Variants in ACTR3C observed in about 807,000 individuals in gnomAD.
The protein encoded by ACTR3C is actin related protein 3C.
In ACTR3C, 18 loss-of-function variants were observed where a neutral mutation model predicts 26.3. The observed-to-expected ratio is 0.68, with a 90% CI of 0.47 to 1.01. The LOEUF (loss-of-function observed/expected upper bound fraction) is 1.01. ACTR3C is among the 50% of genes least tolerant of loss of function. ACTR3C has a pLI of 0.00. For missense variants in ACTR3C, 184 were observed against 250.7 expected, an observed-to-expected ratio of 0.73 and a Z score of 1.80; for synonymous variants, 55 against 94.5, an observed-to-expected ratio of 0.58 and a Z score of 2.42.
At chr7:150,046,047 T>A in the ACTR3C span, among the ~76,000 whole-genome samples, 1 of 152,178 alleles carries the variant, frequency 6.6e-6, no homozygotes, top group Non-Finnish European at 1.5e-5. Context: ...TCTATTTCCC[T>A]CAGGGCTTGG....
chr7:149,917,392 C>T, the ACTR3C span, among the ~76,000 whole-genome samples: 1 of 152,036 alleles, frequency 6.6e-6, no homozygotes, highest in African/African-American at 2.4e-5. Flanking sequence ...ACATTTTAAA[C>T]AGTTCTTGCA....
At chr7:150,278,642 T>C (rs1375823839) in intron 6 of ACTR3C, among the ~76,000 whole-genome samples, 1 of 152,244 alleles carries the variant, frequency 6.6e-6, no homozygotes, top group Non-Finnish European at 1.5e-5. Context: ...CGGCAACAGG[T>C]GTCTTAATGT....
chr7:149,991,475 C>T, the ACTR3C span, among the ~76,000 whole-genome samples: 1 of 152,236 alleles, frequency 6.6e-6, no homozygotes, highest in Non-Finnish European at 1.5e-5. Flanking sequence ...GAATCAGACA[C>T]AGGCTCAGCA....
the ACTR3C span, among the ~76,000 whole-genome samples, chr7:150,070,819 G>C: frequency 3.4e-5 from 5 of 148,432 alleles, 1 homozygote; most frequent in African/African-American, 1.3e-4. Context: ...TTTTGAGATG[G>C]AGTTTCGCTC....
intron 6 of ACTR3C, among the ~76,000 whole-genome samples, chr7:150,282,311 A>G (rs968098082): frequency 6.6e-6 from 1 of 151,950 alleles, no homozygotes; most frequent in Non-Finnish European, 1.5e-5. Context: ...CCAGACGTGA[A>G]CCACGTGCAA....
chr7:149,939,515 AC>A, the ACTR3C span, among the ~76,000 whole-genome samples: 1 of 152,220 alleles, frequency 6.6e-6, no homozygotes, highest in African/African-American at 2.4e-5. Context: ...GCACAAGACA[AC>A]TAGAGAATGA....
At chr7:149,933,442 T>C in the ACTR3C span, among the ~76,000 whole-genome samples, 1 of 152,158 alleles carries the variant, frequency 6.6e-6, no homozygotes, top group Non-Finnish European at 1.5e-5. Context: ...AAAAATATTT[T>C]TCAGAACAGA....
the ACTR3C span, among the ~76,000 whole-genome samples, chr7:150,039,400 A>T: frequency 7.8e-5 from 5 of 63,888 alleles, no homozygotes; most frequent in African/African-American, 2.1e-4. Context: ...CCGGGGGGGA[A>T]GAGGGACTGG....
At chr7:149,888,314 A>G in the ACTR3C span, among the ~76,000 whole-genome samples, 3 of 152,358 alleles carry the variant, frequency 2.0e-5, no homozygotes, top group African/African-American at 4.8e-5. Flanking sequence ...TCTAGGATAT[A>G]TATCTAGGAG....
intron 6 of ACTR3C, among the ~76,000 whole-genome samples, chr7:150,264,332 A>G (rs543978064): frequency 6.6e-6 from 1 of 152,376 alleles, no homozygotes; most frequent in Non-Finnish European, 1.5e-5. Flanking sequence ...GGCCACAGAC[A>G]GTGAACTTTA....
chr7:149,966,915 G>T, the ACTR3C span, among the ~76,000 whole-genome samples: 2 of 151,506 alleles, frequency 1.3e-5, no homozygotes, highest in Non-Finnish European at 2.9e-5. Context: ...CGACTGGAGT[G>T]CAATGGCGTG....
the ACTR3C span, among the ~76,000 whole-genome samples, chr7:150,188,238 T>G: frequency 2.6e-5 from 4 of 152,338 alleles, no homozygotes; most frequent in East Asian, 7.7e-4. Flanking sequence ...TTGTGGCTTT[T>G]TTCACTTAGC....
In ACTR3C at chr7:150,274,561, C is replaced by T. The variant is rs1331483511; in HGVS notation, c.564+10192G>A. On this transcript the variant is annotated intron_variant, in intron 6 of 7. Coordinates refer to ENST00000683684, the MANE Select transcript of ACTR3C (RefSeq NM_001164458.2). This position sits in a 1 kb window ranked among gnomAD's most constrained non-coding sequence, Gnocchi z 4.1. ...AAGTTATGCCTGTAGTAATATCTAT[C>T]ACATATCAAGTACTACACTTCAGCC... Among the ~76,000 whole-genome samples the T allele has an allele frequency of 6.6e-6, 1 of 152,182 alleles. No individual in the cohort carries two copies. The highest frequency in any genetic ancestry group is 1.5e-5 in the Non-Finnish European group (1 of 68,040).
At chr7:149,932,855 AGC>A in the ACTR3C span, among the ~76,000 whole-genome samples, 1 of 151,018 alleles carries the variant, frequency 6.6e-6, no homozygotes, top group Non-Finnish European at 1.5e-5. Flanking sequence ...CCTGAACCTG[AGC>A]AGAGGCCAGA....
chr7:149,951,573 GC>G, the ACTR3C span, among the ~76,000 whole-genome samples: 2 of 151,694 alleles, frequency 1.3e-5, no homozygotes, highest in Non-Finnish European at 1.5e-5. Flanking sequence ...TTTACATGTG[GC>G]CCCCAGGCAG....
the ACTR3C span, among the ~76,000 whole-genome samples, chr7:149,991,358 T>C: frequency 1.8e-4 from 28 of 151,854 alleles, no homozygotes; most frequent in South Asian, 1.7e-3. Context: ...CTGACCTTTT[T>C]TAAAACTGTG....
intron 1 of ACTR3C, among the ~76,000 whole-genome samples, chr7:150,309,431 C>A (rs988349811): frequency 6.6e-6 from 1 of 152,210 alleles, no homozygotes; most frequent in South Asian, 2.1e-4. Flanking sequence ...AACCCCACAA[C>A]AGGAATTAAT....
intron 6 of ACTR3C, among the ~76,000 whole-genome samples, chr7:150,259,285 GAAAGAA>G (rs1204816937): frequency 6.9e-6 from 1 of 145,822 alleles, no homozygotes; most frequent in African/African-American, 2.6e-5. Flanking sequence ...AAGAAAGAAA[GAAAGAA>G]AAAGAAAGAA....
At chr7:150,037,011 G>A in the ACTR3C span, among the ~76,000 whole-genome samples, 4 of 103,854 alleles carry the variant, frequency 3.9e-5, 2 homozygotes, top group African/African-American at 1.4e-4. Flanking sequence ...CCTGCGATGG[G>A]GGTACCAACA....
Sources: gnomAD v4.1 joint callset for allele counts (sites outside exome capture counted in the v4.1 genomes callset) on GRCh38, gnomAD v4.1.1 for gene constraint, Gnocchi (gnomAD v3.1) non-coding constraint, MANE v1.5 for transcripts, NCBI Gene and HGNC (gene_info 2026-07-23, HGNC 2026-07-21) for gene names.